TMPRSS7: variants seen among roughly 807,000 people sequenced by gnomAD.
The protein encoded by TMPRSS7 is transmembrane protease serine 7.
A neutral mutation model predicts 95.6 loss-of-function variants in TMPRSS7; 81 were observed. That is an observed-to-expected ratio of 0.85 (90% confidence interval 0.71 to 1.02). The LOEUF (loss-of-function observed/expected upper bound fraction) is 1.02, where lower values mean the gene tolerates loss of function less well. Ranked by LOEUF, TMPRSS7 falls within the 50% of genes least tolerant of loss-of-function variation. The probability of loss-of-function intolerance (pLI) is 0.00; values close to 1 mark genes in which losing one functional copy is unlikely to be tolerated. For synonymous variants in TMPRSS7, 364 were observed against 337.8 expected (o/e 1.08, Z -0.85); for missense variants, 945 against 955.2 (o/e 0.99, Z 0.14).
intron 5 of TMPRSS7, among the ~76,000 whole-genome samples, chr3:112,046,207 G>A (rs1293555890): frequency 6.6e-6 from 1 of 152,106 alleles, no homozygotes; most frequent in African/African-American, 2.4e-5. Context: ...CTTTATTCAG[G>A]TCATGCATCA....
intron 1 of TMPRSS7, 99 bp downstream of exon 1, chr3:112,034,992 C>T (rs1321018549): frequency 1.5e-6 from 1 of 654,940 alleles, no homozygotes; most frequent in Non-Finnish European, 2.7e-6. Flanking sequence ...ATAAAGGAAA[C>T]AATAATAAAA....
chr3:112,065,032 C>T (rs2073556424), intron 12 of TMPRSS7, among the ~76,000 whole-genome samples: 1 of 152,126 alleles, frequency 6.6e-6, no homozygotes, highest in Non-Finnish European at 1.5e-5. Context: ...TAACCTGTGA[C>T]TATATACTTT....
chr3:112,058,399 A>G (rs1002068873), intron 10 of TMPRSS7, among the ~76,000 whole-genome samples: 4 of 152,216 alleles, frequency 2.6e-5, no homozygotes, highest in Non-Finnish European at 5.9e-5. Flanking sequence ...TAGTAGCTAC[A>G]TTAACTAGGG....
chr3:112,069,148 C>A (rs2073611518), intron 13 of TMPRSS7, among the ~76,000 whole-genome samples: 1 of 152,124 alleles, frequency 6.6e-6, no homozygotes, highest in Admixed American at 6.5e-5. Context: ...TATGTTGAAC[C>A]AGCCTTGTGT....
chr3:112,062,780 G>C (rs973542421), intron 11 of TMPRSS7, among the ~76,000 whole-genome samples: 12 of 152,132 alleles, frequency 7.9e-5, no homozygotes, highest in Non-Finnish European at 1.6e-4. Context: ...CATTGAAATA[G>C]TGTTTCCCTC....
intron 6 of TMPRSS7, chr3:112,047,376 C>A (rs1411435300): frequency 1.6e-5 from 9 of 563,424 alleles, no homozygotes; most frequent in Non-Finnish European, 2.4e-5. Flanking sequence ...TGATGAAAAC[C>A]ACCTCCACGT....
chr3:112,059,732 A>G (rs2073476365), intron 10 of TMPRSS7, among the ~76,000 whole-genome samples: 2 of 152,180 alleles, frequency 1.3e-5, no homozygotes, highest in Admixed American at 6.5e-5. Context: ...TTGGTCTAAC[A>G]GGTTATCAGT....
In TMPRSS7 at chr3:112,077,138, G is replaced by GA; in HGVS notation, c.2220dup (p.Ala741SerfsTer3). 1 of 1,613,856 alleles carries GA rather than the reference G, an allele frequency of 6.2e-7. No homozygotes were observed. The highest frequency in any genetic ancestry group is 1.1e-5 in the South Asian group (1 of 91,018). ...GGTAACTGGCTGGGGGCGAAGACAC[G>GA]AAGCAGGTGTGTGTATGAATGAATG... On this transcript the variant is annotated frameshift_variant, in exon 16 of 18. Transcript: ENST00000452346. LOFTEE classifies it high-confidence loss of function.
intron 9 of TMPRSS7, among the ~76,000 whole-genome samples, chr3:112,051,478 A>C (rs2073347903): frequency 6.6e-6 from 1 of 152,102 alleles, no homozygotes; most frequent in Admixed American, 6.6e-5. Flanking sequence ...ATTATATTTC[A>C]GTTGTATAAG....
intron 9 of TMPRSS7, among the ~76,000 whole-genome samples, chr3:112,051,272 A>G (rs2073345416): frequency 6.6e-6 from 1 of 152,126 alleles, no homozygotes; most frequent in Non-Finnish European, 1.5e-5. Flanking sequence ...ACAATACAAT[A>G]TAACAACTAT....
At chr3:112,034,992 CAAT>C in intron 1 of TMPRSS7, 99 bp downstream of exon 1, 1 of 655,058 alleles carries the variant, frequency 1.5e-6, no homozygotes, top group Non-Finnish European at 2.7e-6. Flanking sequence ...ATAAAGGAAA[CAAT>C]AATAAAATAT....
rs369604109 is a variant in TMPRSS7, at chr3:112,061,769, C to G, written c.1311-18C>G. 1 of 1,589,110 alleles carries G rather than the reference C, an allele frequency of 6.3e-7. No individual in the cohort carries two copies. Among genetic ancestry groups the G allele is most frequent in the South Asian group, 1.2e-5 (1 of 86,654 alleles). On this transcript the variant is annotated intron_variant, in intron 10 of 17. Coordinates refer to ENST00000452346, the Ensembl canonical transcript of TMPRSS7. The stretch of plus-strand genomic sequence containing the variant: ...AGAACCTCAAGCTGTGTATTCTCCC[C>G]GACTCTTGTCTCCCCAGGTACTGTG...
intron 17 of TMPRSS7, among the ~76,000 whole-genome samples, chr3:112,080,181 C>T (rs1007751547): frequency 1.3e-5 from 2 of 152,110 alleles, no homozygotes; most frequent in African/African-American, 2.4e-5. Flanking sequence ...GAAAATAAAA[C>T]CTAGATATTA....
intron 4 of TMPRSS7, 134 bp downstream of exon 4, chr3:112,044,456 C>A: frequency 2.8e-6 from 2 of 718,860 alleles, no homozygotes; most frequent in Non-Finnish European, 4.8e-6. Context: ...TGTATTAGCA[C>A]AACTAGCGAC....
intron 14 of TMPRSS7, 105 bp from the exon 15 acceptor site, chr3:112,075,216 A>G: frequency 8.4e-7 from 1 of 1,193,858 alleles, no homozygotes; most frequent in Non-Finnish European, 1.1e-6. Flanking sequence ...GGAGATTTCA[A>G]ATTGCTACCT....
intron 10 of TMPRSS7, among the ~76,000 whole-genome samples, chr3:112,058,805 C>T (rs576661460): frequency 1.6e-4 from 25 of 152,216 alleles, no homozygotes; most frequent in African/African-American, 6.0e-4. Context: ...GAATCTGCTC[C>T]CAAGCAATAC....
chr3:112,053,064 G>A (rs1482195147), intron 9 of TMPRSS7, among the ~76,000 whole-genome samples: 2 of 152,066 alleles, frequency 1.3e-5, no homozygotes, highest in Non-Finnish European at 2.9e-5. Context: ...CCTCAGTGTA[G>A]AGGTTAAATA....
At chr3:112,080,530 T>TACTACTACTACTACTACTACCACC (rs2073764911) in intron 17 of TMPRSS7, among the ~76,000 whole-genome samples, 1 of 127,144 alleles carries the variant, frequency 7.9e-6, no homozygotes, top group Non-Finnish European at 1.7e-5. Context: ...TAGCCCTCAC[T>TACTACTACTACTACTACTACCACC]ACTACTACTA....
At chr3:112,075,360 G>T (rs2073699050) in exon 15 of TMPRSS7, 2 of 1,479,792 alleles carry the variant, frequency 1.4e-6, no homozygotes, top group Admixed American at 4.6e-5. Flanking sequence ...CGCATCATCG[G>T]AGGCACAGAC....
Sources: gnomAD v4.1 joint callset for allele counts (sites outside exome capture counted in the v4.1 genomes callset) on GRCh38, gnomAD v4.1.1 for gene constraint, MANE v1.5 for transcripts, NCBI Gene and HGNC (gene_info 2026-07-23, HGNC 2026-07-21) for gene names.